The following PALM variants were observed in gnomAD, a reference collection of about 807,000 sequenced individuals.
PALM encodes the protein paralemmin-1.
Under a neutral mutation model 30.7 loss-of-function variants are expected in PALM, and 18 were observed. The ratio of observed to expected loss-of-function variants is 0.59; its 90% CI spans 0.41 to 0.87. The LOEUF (loss-of-function observed/expected upper bound fraction) is 0.87, where lower values mean the gene tolerates loss of function less well. Ranked by LOEUF, PALM falls within the 40% of genes least tolerant of loss-of-function variation. The pLI is 0.00. For synonymous variants in PALM, 286 were observed against 242.8 expected, an observed-to-expected ratio of 1.18 and a Z score of -1.66; for missense variants, 529 against 555.4, an observed-to-expected ratio of 0.95 and a Z score of 0.48.
intron 3 of PALM, 75 bp downstream of exon 3, chr19:727,163 C>A: frequency 1.3e-5 from 12 of 922,638 alleles, no homozygotes; most frequent in Non-Finnish European, 2.0e-5. Flanking sequence ...TCCTGCCCAA[C>A]CCTGACCCTG....
chr19:721,374 T>C (rs1161794771), intron 1 of PALM, among the ~76,000 whole-genome samples: 1 of 152,076 alleles, frequency 6.6e-6, no homozygotes, highest in Non-Finnish European at 1.5e-5. Context: ...CAAGTGATCC[T>C]CCTGCCTCAG....
chr19:742,614 A>AG lies in PALM; in HGVS notation c.634+2131_634+2132insG, dbSNP rs2033225426. 1.8e-5 allele frequency among the ~76,000 whole-genome samples: 2 copies of AG among 112,276 alleles called. No homozygotes were observed. The highest frequency in any genetic ancestry group is 4.7e-3 in the Middle Eastern group (1 of 212). 73.7% of individuals were successfully genotyped at this position (112,276 alleles called of 152,430 possible). A position where few individuals can be genotyped will look rare whatever the true frequency, so the allele number is the denominator to read the frequency against. On this transcript the variant is annotated intron_variant, in intron 8 of 8. Coordinates refer to ENST00000338448, the MANE Select transcript of PALM (RefSeq NM_002579.3). The surrounding 1 kb of genome is among the most constrained non-coding windows in gnomAD (Gnocchi z 5.5). ...GAGTGAAACTCTGTCTCAAAAAAAA[A>AG]AAAAAGAAAGAAAAGAGAATAAATG... is the stretch of plus-strand genomic sequence containing the variant.
chr19:739,398 G>T (rs2033120729), intron 7 of PALM, among the ~76,000 whole-genome samples: 1 of 152,162 alleles, frequency 6.6e-6, no homozygotes, highest in African/African-American at 2.4e-5. Flanking sequence ...AACCAGGAAT[G>T]GTGGGGCTCG....
At chr19:730,160 CTGACTGTGGGCTCCCAGACACCTCCTGCA>C (rs2032826036) in intron 4 of PALM, among the ~76,000 whole-genome samples, 2 of 152,248 alleles carry the variant, frequency 1.3e-5, no homozygotes, top group Admixed American at 6.5e-5. Flanking sequence ...GCCCTCCAGG[CTGACTGTGGGCTCCCAGACACCTCCTGCA>C]GGAAGCCCTC....
At chr19:729,046 G>A (rs1020443510) in intron 4 of PALM, among the ~76,000 whole-genome samples, 7 of 151,884 alleles carry the variant, frequency 4.6e-5, no homozygotes, top group African/African-American at 1.7e-4. Flanking sequence ...TGGACATGCT[G>A]GGCGTGGGTG....
At chr19:744,927 C>T (rs1446930494) in intron 8 of PALM, among the ~76,000 whole-genome samples, 1 of 150,958 alleles carries the variant, frequency 6.6e-6, no homozygotes, top group African/African-American at 2.4e-5. Context: ...CGTGTGTAAT[C>T]CCAGCACCTT....
intron 8 of PALM, among the ~76,000 whole-genome samples, chr19:741,615 G>A (rs568229464): frequency 4.6e-5 from 7 of 151,986 alleles, no homozygotes; most frequent in Non-Finnish European, 7.4e-5. Context: ...CTGGGCTCAC[G>A]CAGGGAGGAG....
At chr19:719,817 TCA>T (rs1318782200) in intron 1 of PALM, among the ~76,000 whole-genome samples, 1 of 151,844 alleles carries the variant, frequency 6.6e-6, no homozygotes, top group Admixed American at 6.6e-5. Context: ...CTGCCCGGCC[TCA>T]GTTTCCCCGT....
At chr19:740,587 G>T (rs1046433097) in intron 8 of PALM, 104 bp downstream of exon 8, 4 of 1,085,092 alleles carry the variant, frequency 3.7e-6, no homozygotes, top group Non-Finnish European at 5.2e-6. Flanking sequence ...TCAGGACCCC[G>T]ATTCGATGTG....
At chr19:726,985 A>AGGCCCC in intron 2 of PALM, 23 bp from the exon 3 acceptor site, 7 of 945,358 alleles carry the variant, frequency 7.4e-6, no homozygotes, top group East Asian at 3.1e-5. Flanking sequence ...CCCATCCCTG[A>AGGCCCC]CCCCACCCGG....
chr19:717,727 T>G (rs1599137613), intron 1 of PALM, among the ~76,000 whole-genome samples: 1 of 116,182 alleles, frequency 8.6e-6, no homozygotes, highest in Non-Finnish European at 1.9e-5. Flanking sequence ...GCCCTGGGAG[T>G]GGCGGGAGTG....
Position 727,161 on chromosome 19 carries a change from AACCCTG to A in PALM, c.138+84_138+89del, listed in dbSNP as rs1223010851. 6 of 1,011,184 alleles carry A rather than the reference AACCCTG, an allele frequency of 5.9e-6. No homozygotes were observed. The African/African-American group carries it at 6.4e-5, about 11-fold the overall frequency. The allele number at this position is 1,011,184 out of a possible 1,614,324, so 62.6% of individuals were successfully genotyped here. A position where few individuals can be genotyped will look rare whatever the true frequency, so the allele number is the denominator to read the frequency against. On this transcript the variant is annotated intron_variant, in intron 3 of 8. Transcript: ENST00000338448. Reference sequence around the variant, plus strand: ...AGGCGGAGGCCCCGGACTCCTGCCCAACCCTGACCCTGACCCCAATCCCAACCTGAC... The same window carrying A: ...AGGCGGAGGCCCCGGACTCCTGCCCAACCCTGACCCCAATCCCAACCTGAC...
At chr19:726,478 G>A (rs967108694) in intron 2 of PALM, among the ~76,000 whole-genome samples, 3 of 152,160 alleles carry the variant, frequency 2.0e-5, no homozygotes, top group African/African-American at 7.2e-5. Context: ...AAACTTTGGT[G>A]ATGGGAGCAC....
intron 1 of PALM, among the ~76,000 whole-genome samples, chr19:718,054 T>C (rs1387460392): frequency 1.3e-5 from 2 of 152,038 alleles, no homozygotes; most frequent in African/African-American, 4.8e-5. Flanking sequence ...TGGTGGCATG[T>C]GCCTGTAATC....
chr19:738,706 G>A (rs549441240), intron 7 of PALM, among the ~76,000 whole-genome samples: 1 of 152,264 alleles, frequency 6.6e-6, no homozygotes, highest in African/African-American at 2.4e-5. Context: ...GATTAGAGCC[G>A]AGTGCCTGGG....
rs527902697 is a variant in PALM, at chr19:746,052, C to T, written c.635-233C>T. On this transcript the variant is annotated intron_variant, in intron 8 of 8. Coordinates refer to ENST00000338448, the MANE Select transcript of PALM (RefSeq NM_002579.3). The surrounding 1 kb of genome is among the most constrained non-coding windows in gnomAD (Gnocchi z 7.1). The stretch of plus-strand genomic sequence containing the variant: ...CAGCCTGGGCGACAGAGTGAGACTC[C>T]GTCTCAAAAAAAATTTTTTTTCCTC... Among the ~76,000 whole-genome samples, 4 of 152,236 alleles carry T rather than the reference C, an allele frequency of 2.6e-5. No homozygotes were observed. The highest frequency in any genetic ancestry group is 1.9e-4 in the East Asian group (1 of 5,182).
In PALM at chr19:746,408, C is replaced by T. The variant is rs375298878; in HGVS notation, c.758C>T (p.Ala253Val). 9.3e-6 allele frequency: 15 copies of T among 1,611,860 alleles called. No homozygotes were observed. Among genetic ancestry groups the T allele is most frequent in the South Asian group, 4.4e-5 (4 of 90,970 alleles). ...TLSEAGSTAG[A>V]AETRGAVEGA... ...AGCGAGGCAGGGTCCACGGCCGGGG[C>T]GGCAGAGACCCGGGGGGCTGTGGAG... The change falls in exon 9 of 9, where the codon GCG (alanine) becomes GTG (valine). Residue 253 changes from alanine to valine, a missense_variant. Physicochemically the swap from Ala to Val is moderately conservative, Grantham distance 64. Coordinates refer to ENST00000338448, the MANE Select transcript of PALM (RefSeq NM_002579.3). The surrounding 1 kb of genome is among the most constrained non-coding windows in gnomAD (Gnocchi z 7.1).
Position 726,994 on chromosome 19 carries a change from G to GC in PALM, c.58-14_58-13insC. ...CCCACGCCCATCCCTGACCCCACCCGGCCCTCCCCACAGGAGAAGCGGAAG... is the reference window on the plus strand; with the variant it reads ...CCCACGCCCATCCCTGACCCCACCCGCGCCCTCCCCACAGGAGAAGCGGAAG... On this transcript the variant is annotated splice_polypyrimidine_tract_variant and intron_variant, in intron 2 of 8. Coordinates refer to ENST00000338448, the MANE Select transcript of PALM (RefSeq NM_002579.3). The GC allele has an allele frequency of 2.1e-6, 1 of 484,258 alleles. No homozygotes were observed. The highest frequency in any genetic ancestry group is 3.4e-6 in the Non-Finnish European group (1 of 294,826). The allele number at this position is 484,258 out of a possible 1,614,324, so 30.0% of individuals were successfully genotyped here. A position where few individuals can be genotyped will look rare whatever the true frequency, so the allele number is the denominator to read the frequency against.
At chr19:733,498 C>G (rs4564713) in intron 5 of PALM, among the ~76,000 whole-genome samples, 1 of 152,282 alleles carries the variant, frequency 6.6e-6, no homozygotes, top group East Asian at 1.9e-4. Context: ...TGTGCAGGGT[C>G]TGACCATGCA....
Sources: allele counts gnomAD v4.1 joint callset (sites outside exome capture counted in the v4.1 genomes callset), GRCh38; gene constraint gnomAD v4.1.1; non-coding constraint Gnocchi (gnomAD v3.1); transcripts MANE v1.5; gene names NCBI Gene and HGNC (gene_info 2026-07-23, HGNC 2026-07-21).